The following CMTM7 variants were observed in gnomAD, a reference collection of about 807,000 sequenced individuals.
CMTM7 encodes CKLF like MARVEL transmembrane domain containing 7.
Under a neutral mutation model 19.3 loss-of-function variants are expected in CMTM7, and 7 were observed. That is an observed-to-expected ratio of 0.36 (90% CI 0.21 to 0.68). CMTM7 has a LOEUF of 0.68. Ranked by LOEUF, CMTM7 falls within the 30% of genes least tolerant of loss-of-function variation. The pLI is 0.60. For missense variants in CMTM7, 193 were observed against 232.6 expected, an observed-to-expected ratio of 0.83 and a Z score of 1.11; for synonymous variants, 87 against 99.3, an observed-to-expected ratio of 0.88 and a Z score of 0.74.
intron 1 of CMTM7, among the ~76,000 whole-genome samples, chr3:32,418,367 T>G (rs1320681107): frequency 6.6e-6 from 1 of 152,202 alleles, no homozygotes; most frequent in Admixed American, 6.5e-5. Context: ...TGCCTTTTCT[T>G]TCTCTTAGTC....
At chr3:32,407,979 C>G (rs958767949) in intron 1 of CMTM7, among the ~76,000 whole-genome samples, 3 of 152,202 alleles carry the variant, frequency 2.0e-5, no homozygotes, top group African/African-American at 7.2e-5. Flanking sequence ...AAACCGTCTT[C>G]TCACATGTAA....
At chr3:32,439,130 G>T (rs373173262) in intron 1 of CMTM7, among the ~76,000 whole-genome samples, 1 of 152,338 alleles carries the variant, frequency 6.6e-6, no homozygotes, top group African/African-American at 2.4e-5. Flanking sequence ...TCCTGAGTAA[G>T]GCAGAGGTGT....
intron 1 of CMTM7, among the ~76,000 whole-genome samples, chr3:32,421,438 C>T (rs1246653564): frequency 2.6e-5 from 4 of 152,208 alleles, no homozygotes; most frequent in African/African-American, 9.6e-5. Flanking sequence ...ACCCCTATGC[C>T]TTCTGTGGCT....
Position 32,449,351 on chromosome 3 carries a change from G to A in CMTM7, c.334-103G>A, listed in dbSNP as rs754110333. On this transcript the variant is annotated intron_variant, in intron 2 of 4. Transcript: ENST00000334983. This position sits in a 1 kb window ranked among gnomAD's most constrained non-coding sequence, Gnocchi z 4.5. ...CGTGTTGCAAGGGAGAAGAGGAAGC[G>A]TCACTCTCTCCCTTTCTTTTCATGT... 48 of 836,460 alleles carry A rather than the reference G, an allele frequency of 5.7e-5. No individual in the cohort carries two copies. The highest frequency in any genetic ancestry group is 8.2e-5 in the Non-Finnish European group (39 of 474,314). The allele number at this position is 836,460 out of a possible 1,614,324, so 51.8% of individuals were successfully genotyped here.
chr3:32,417,833 A>G (rs1025696394), intron 1 of CMTM7, among the ~76,000 whole-genome samples: 6 of 150,518 alleles, frequency 4.0e-5, no homozygotes, highest in Admixed American at 1.3e-4. Context: ...TTGTTTGTTT[A>G]TTTATTTTAG....
At chr3:32,427,435 G>A (rs906965073) in intron 1 of CMTM7, among the ~76,000 whole-genome samples, 1 of 152,176 alleles carries the variant, frequency 6.6e-6, no homozygotes, top group African/African-American at 2.4e-5. Context: ...AGAAAGGGTG[G>A]GCGGGAGAGG....
At position 32,454,334 on chromosome 3, in the gene CMTM7, T is replaced by G. The variant is rs1349893210; in HGVS notation, c.*80T>G. The G allele has an allele frequency of 3.8e-6, 6 of 1,569,206 alleles. No individual in the cohort carries two copies. The highest frequency in any genetic ancestry group is 5.3e-6 in the Non-Finnish European group (6 of 1,141,008). Reference sequence around the variant, plus strand: ...TCCAGGCGAGGCCTCTGGACCTGTGTTCCTGTGCCAAAGTCCTGTCAGGCT... The same window carrying G: ...TCCAGGCGAGGCCTCTGGACCTGTGGTCCTGTGCCAAAGTCCTGTCAGGCT... On this transcript the variant is annotated 3_prime_UTR_variant, in exon 5 of 5. Transcript: ENST00000334983.
At chr3:32,397,472 C>T (rs1028188390) in intron 1 of CMTM7, among the ~76,000 whole-genome samples, 1 of 152,078 alleles carries the variant, frequency 6.6e-6, no homozygotes. Context: ...TGGTGGCTCA[C>T]GCCTGTAATC....
chr3:32,403,754 A>G (rs3844589), intron 1 of CMTM7, among the ~76,000 whole-genome samples: 26,386 of 152,092 alleles, frequency 0.17, 2,440 homozygotes, highest in East Asian at 0.28. Flanking sequence ...ACTGAAAATG[A>G]TGTTGTGATC....
Position 32,449,598 on chromosome 3 carries a change from A to AC in CMTM7, c.432+46_432+47insC. ...CTTTAGGAATGAATTCTTATTTAAA[A>AC]TGCTCATTTTCTTCCTGATGGGGGA... On this transcript the variant is annotated intron_variant, in intron 3 of 4. Coordinates refer to ENST00000334983, the MANE Select transcript of CMTM7 (RefSeq NM_138410.4). The surrounding 1 kb of genome is among the most constrained non-coding windows in gnomAD (Gnocchi z 4.5). 1 of 1,436,822 alleles carries AC rather than the reference A, an allele frequency of 7.0e-7. No individual in the cohort carries two copies. Among genetic ancestry groups the AC allele is most frequent in the South Asian group, 1.1e-5 (1 of 87,552 alleles). 89.0% of individuals were successfully genotyped at this position (1,436,822 alleles called of 1,614,324 possible).
At chr3:32,397,038 G>A (rs1306365414) in intron 1 of CMTM7, among the ~76,000 whole-genome samples, 1 of 152,200 alleles carries the variant, frequency 6.6e-6, no homozygotes, top group Non-Finnish European at 1.5e-5. Context: ...GTCATGGGAA[G>A]AGGGGTCTTG....
chr3:32,402,101 GTTTGGT>G (rs1428760107), intron 1 of CMTM7, among the ~76,000 whole-genome samples: 1 of 152,128 alleles, frequency 6.6e-6, no homozygotes, highest in African/African-American at 2.4e-5. Context: ...TTATTTGTTT[GTTTGGT>G]TTTGGTTTTT....
At chr3:32,433,848 A>G (rs1475391941) in intron 1 of CMTM7, among the ~76,000 whole-genome samples, 1 of 152,196 alleles carries the variant, frequency 6.6e-6, no homozygotes, top group Non-Finnish European at 1.5e-5. Context: ...GACTGATTGG[A>G]TACAATCAGA....
chr3:32,391,961 G>C lies in CMTM7; in HGVS notation c.55G>C (p.Gly19Arg), dbSNP rs1011619423. 2.7e-5 allele frequency: 33 copies of C among 1,231,282 alleles called. No individual in the cohort carries two copies. In the African/African-American group the frequency reaches 4.4e-4, roughly 16 times the overall value. 76.3% of individuals were successfully genotyped at this position (1,231,282 alleles called of 1,614,324 possible). ...RTTCSSGSAL[G>R]PGAGAAQPSA... The stretch of plus-strand genomic sequence containing the variant: ...CACGTGCAGCAGCGGCAGCGCGCTC[G>C]GACCCGGGGCCGGCGCGGCCCAGCC... Residue 19 changes from glycine (G) to arginine (R), a missense_variant, in exon 1 of 5, where the codon GGA becomes CGA. By Grantham distance (125) the Gly-to-Arg change is moderately radical. Coordinates refer to ENST00000334983, the MANE Select transcript of CMTM7 (RefSeq NM_138410.4).
chr3:32,448,931 T>G (rs1286891030), intron 2 of CMTM7, among the ~76,000 whole-genome samples: 1 of 152,134 alleles, frequency 6.6e-6, no homozygotes, highest in Non-Finnish European at 1.5e-5. Context: ...AGTCCACACT[T>G]GGGGCCATTC....
rs1402949092 is a variant in CMTM7, at chr3:32,442,012, C to T, written c.332C>T (p.Ser111Leu). The T allele has an allele frequency of 4.3e-6, 7 of 1,613,804 alleles. No individual in the cohort carries two copies. The Admixed American group carries it at 5.0e-5, about 12-fold the overall frequency. The change falls in exon 2 of 5, where the codon TCG becomes TTG. Residue 111 changes from serine to leucine, a missense_variant and splice_region_variant. By Grantham distance (145) the Ser-to-Leu change is moderately radical. Transcript: ENST00000334983. The stretch of plus-strand genomic sequence containing the variant: ...CTCACCTGTATCAGCTGGCCCCTGT[C>T]GGTAAGAGAGTGGTCTGGCCCTGTC... Reference protein sequence around the residue: ...RVLTCISWPLSELLHYLIGTL... With the variant: ...RVLTCISWPLLELLHYLIGTL...
intron 3 of CMTM7, among the ~76,000 whole-genome samples, chr3:32,450,468 C>A (rs1266727398): frequency 6.6e-6 from 1 of 152,126 alleles, no homozygotes; most frequent in African/African-American, 2.4e-5. Context: ...ACGTATATTA[C>A]CAAAATTTTC....
At chr3:32,446,628 T>TTGGA (rs1421892492) in intron 2 of CMTM7, among the ~76,000 whole-genome samples, 1 of 152,194 alleles carries the variant, frequency 6.6e-6, no homozygotes, top group African/African-American at 2.4e-5. Context: ...ATTCCCAGTG[T>TTGGA]TGGAGGTGGG....
intron 1 of CMTM7, among the ~76,000 whole-genome samples, chr3:32,396,091 G>T (rs185290992): frequency 1.6e-3 from 240 of 152,308 alleles, no homozygotes; most frequent in Non-Finnish European, 2.4e-3. Context: ...ATAGGCAAAT[G>T]CGTAGACACA....
Sources: allele counts gnomAD v4.1 joint callset (sites outside exome capture counted in the v4.1 genomes callset), GRCh38; gene constraint gnomAD v4.1.1; non-coding constraint Gnocchi (gnomAD v3.1); transcripts MANE v1.5; gene names NCBI Gene and HGNC (gene_info 2026-07-23, HGNC 2026-07-21).